Variants in INPP4B observed in about 807,000 individuals in gnomAD.
INPP4B encodes the protein inositol polyphosphate-4-phosphatase type II B, also known as inositol polyphosphate 4-phosphatase type II.
A neutral mutation model predicts 122.5 loss-of-function variants in INPP4B; 55 were observed. The ratio of observed to expected loss-of-function variants is 0.45; its 90% CI spans 0.36 to 0.56. The LOEUF (loss-of-function observed/expected upper bound fraction) is 0.56, where lower values mean the gene tolerates loss of function less well. Ranked by LOEUF, INPP4B falls within the 20% of genes least tolerant of loss-of-function variation. INPP4B has a pLI of 0.00. For missense variants in INPP4B, 1,000 were observed against 1,097.7 expected, an observed-to-expected ratio of 0.91 and a Z score of 1.26; for synonymous variants, 403 against 388.7, an observed-to-expected ratio of 1.04 and a Z score of -0.43.
At chr4:142,781,804 G>GC (rs996161108) in intron 1 of INPP4B, among the ~76,000 whole-genome samples, 1 of 151,808 alleles carries the variant, frequency 6.6e-6, no homozygotes, top group African/African-American at 2.4e-5. Context: ...ATAAAAGAAA[G>GC]CCCCATGGAA....
At chr4:142,653,961 G>T (rs573418493) in intron 2 of INPP4B, among the ~76,000 whole-genome samples, 7 of 152,214 alleles carry the variant, frequency 4.6e-5, no homozygotes, top group Admixed American at 3.3e-4. Flanking sequence ...CAAAGACTTG[G>T]AACCAACCCA....
intron 2 of INPP4B, among the ~76,000 whole-genome samples, chr4:142,633,923 G>A (rs923963681): frequency 2.0e-5 from 3 of 152,040 alleles, no homozygotes; most frequent in Admixed American, 6.6e-5. Flanking sequence ...CTACTTGGGA[G>A]ACTGAGGCAG....
At chr4:142,394,100 C>T (rs922841794) in intron 7 of INPP4B, among the ~76,000 whole-genome samples, 35 of 152,166 alleles carry the variant, frequency 2.3e-4, no homozygotes, top group African/African-American at 8.4e-4. Flanking sequence ...TACATTCCCA[C>T]CAACAGTGTT....
At chr4:142,173,491 T>C (rs573434209) in intron 16 of INPP4B, 141 bp downstream of exon 16, 59 of 642,406 alleles carry the variant, frequency 9.2e-5, no homozygotes, top group Middle Eastern at 4.2e-4. Flanking sequence ...TTTGATCCTG[T>C]GGCAATACTT....
intron 7 of INPP4B, among the ~76,000 whole-genome samples, chr4:142,334,972 T>C (rs1166051535): frequency 6.6e-6 from 1 of 152,004 alleles, no homozygotes; most frequent in Non-Finnish European, 1.5e-5. Context: ...GATAAATCTA[T>C]TAGGGAGCAT....
At chr4:142,762,979 G>T (rs1432422229) in intron 1 of INPP4B, among the ~76,000 whole-genome samples, 2 of 152,092 alleles carry the variant, frequency 1.3e-5, no homozygotes, top group Non-Finnish European at 2.9e-5. Context: ...CAGCAACAGG[G>T]CGCCATCTTG....
At chr4:142,759,552 T>C (rs1306268992) in intron 1 of INPP4B, among the ~76,000 whole-genome samples, 2 of 152,134 alleles carry the variant, frequency 1.3e-5, no homozygotes, top group East Asian at 3.9e-4. Flanking sequence ...AATGTTCTGC[T>C]TTGCATGAAT....
At chr4:142,530,205 C>A (rs1827429672) in intron 2 of INPP4B, among the ~76,000 whole-genome samples, 1 of 151,932 alleles carries the variant, frequency 6.6e-6, no homozygotes, top group Admixed American at 6.6e-5. Flanking sequence ...TTTAAAAACC[C>A]AAATATTTGA....
At chr4:142,241,262 C>T (rs1382535304) in intron 11 of INPP4B, among the ~76,000 whole-genome samples, 2 of 151,806 alleles carry the variant, frequency 1.3e-5, no homozygotes, top group African/African-American at 4.8e-5. Context: ...CATACAATTG[C>T]TAAAAATATC....
chr4:142,092,375 C>T (rs1779971921), intron 23 of INPP4B, among the ~76,000 whole-genome samples: 1 of 152,156 alleles, frequency 6.6e-6, no homozygotes, highest in South Asian at 2.1e-4. Flanking sequence ...ACTGCAACCT[C>T]TGCCTCCCTG....
At chr4:142,337,167 GT>G (rs1207606393) in intron 7 of INPP4B, among the ~76,000 whole-genome samples, 2 of 124,456 alleles carry the variant, frequency 1.6e-5, no homozygotes, top group Non-Finnish European at 3.6e-5. Context: ...TATTTTCATT[GT>G]CAGATAGTAA....
chr4:142,280,543 T>C (rs1176318997), intron 9 of INPP4B, among the ~76,000 whole-genome samples: 1 of 151,896 alleles, frequency 6.6e-6, no homozygotes, highest in Non-Finnish European at 1.5e-5. Context: ...GGTGTGGGTG[T>C]GAAGGGGTTT....
chr4:142,488,099 C>G (rs758463097), intron 2 of INPP4B, among the ~76,000 whole-genome samples: 1 of 151,984 alleles, frequency 6.6e-6, no homozygotes, highest in Non-Finnish European at 1.5e-5. Context: ...CTTCTGAGAG[C>G]TTTTATTATG....
intron 18 of INPP4B, among the ~76,000 whole-genome samples, chr4:142,133,389 G>T (rs74660483): frequency 6.6e-6 from 1 of 152,138 alleles, no homozygotes; most frequent in East Asian, 1.9e-4. Flanking sequence ...AATAGGTACA[G>T]AATCTCACTA....
chr4:142,463,824 T>C (rs1297171548), intron 2 of INPP4B, among the ~76,000 whole-genome samples: 1 of 152,114 alleles, frequency 6.6e-6, no homozygotes, highest in Non-Finnish European at 1.5e-5. Flanking sequence ...TGCTTCCCCT[T>C]CCATCATATT....
At chr4:142,317,460 T>C (rs1362674610) in intron 7 of INPP4B, 1 of 288,698 alleles carries the variant, frequency 3.5e-6, no homozygotes, top group East Asian at 9.9e-5. Context: ...CGAAGGGATA[T>C]GTAAATCAAT....
intron 7 of INPP4B, among the ~76,000 whole-genome samples, chr4:142,349,975 A>G (rs1250959073): frequency 6.6e-6 from 1 of 152,022 alleles, no homozygotes; most frequent in Admixed American, 6.6e-5. Flanking sequence ...ACAGAGATAA[A>G]GAGTTTTCTA....
chr4:142,623,013 C>T (rs1400355229), intron 2 of INPP4B, among the ~76,000 whole-genome samples: 3 of 151,948 alleles, frequency 2.0e-5, no homozygotes, highest in African/African-American at 4.8e-5. Context: ...CCTCTATAGC[C>T]TCCTAAATAT....
At chr4:142,478,199 G>A (rs1291434397) in intron 2 of INPP4B, among the ~76,000 whole-genome samples, 1 of 152,082 alleles carries the variant, frequency 6.6e-6, no homozygotes, top group African/African-American at 2.4e-5. Flanking sequence ...AGTTTTTTCG[G>A]TATAGATGTA....
Sources: allele counts gnomAD v4.1 joint callset (sites outside exome capture counted in the v4.1 genomes callset), GRCh38; gene constraint gnomAD v4.1.1; transcripts MANE v1.5; gene names NCBI Gene and HGNC (gene_info 2026-07-23, HGNC 2026-07-21).